IMMP2L: variants seen among roughly 807,000 people sequenced by gnomAD.
IMMP2L encodes the protein inner mitochondrial membrane peptidase subunit 2.
In IMMP2L, 18 loss-of-function variants were observed where a neutral mutation model predicts 19.3. The ratio of observed to expected loss-of-function variants is 0.93; its 90% confidence interval spans 0.64 to 1.38. The LOEUF (loss-of-function observed/expected upper bound fraction) is 1.38, where lower values mean the gene tolerates loss of function less well. Among genes scored for constraint, IMMP2L ranks in the 40% most tolerant of loss-of-function variants. The pLI is 0.00. For synonymous variants in IMMP2L, 76 were observed against 73.0 expected (o/e 1.04, Z -0.21); for missense variants, 233 against 218.2 (o/e 1.07, Z -0.43).
chr7:110,890,586 T>G (rs1270723593), intron 4 of IMMP2L, among the ~76,000 whole-genome samples: 1 of 152,162 alleles, frequency 6.6e-6, no homozygotes, highest in Admixed American at 6.5e-5. Flanking sequence ...TTAAATAGCT[T>G]TGTGCTCCTG....
intron 1 of IMMP2L, among the ~76,000 whole-genome samples, chr7:111,525,187 C>A (rs1028809157): frequency 1.3e-5 from 2 of 152,114 alleles, no homozygotes; most frequent in Non-Finnish European, 2.9e-5. Context: ...ATGAGGAGAA[C>A]TTCTCTAGAT....
intron 3 of IMMP2L, among the ~76,000 whole-genome samples, chr7:111,258,564 T>C (rs568627822): frequency 7.9e-5 from 12 of 152,114 alleles, no homozygotes; most frequent in Non-Finnish European, 1.5e-4. Flanking sequence ...TGGAATGCAA[T>C]GGCATGATTG....
At chr7:110,685,082 T>C (rs4730448) in intron 5 of IMMP2L, among the ~76,000 whole-genome samples, 149,128 of 152,088 alleles carry the variant, frequency 0.98, 73,173 homozygotes, top group Middle Eastern at 1. Flanking sequence ...ATGTCTCAAC[T>C]CAAACTAATC....
chr7:110,719,879 T>A (rs1584604926), intron 5 of IMMP2L, among the ~76,000 whole-genome samples: 1 of 152,338 alleles, frequency 6.6e-6, no homozygotes. Context: ...CCACTATTTA[T>A]AACATTTCTG....
At chr7:110,991,535 T>C (rs542211153) in intron 3 of IMMP2L, among the ~76,000 whole-genome samples, 40 of 152,254 alleles carry the variant, frequency 2.6e-4, no homozygotes, top group African/African-American at 9.6e-4. Context: ...TTCAGGCCTT[T>C]TCTAAATGGG....
At chr7:111,304,390 A>G (rs1822597051) in intron 3 of IMMP2L, among the ~76,000 whole-genome samples, 1 of 152,080 alleles carries the variant, frequency 6.6e-6, no homozygotes, top group African/African-American at 2.4e-5. Flanking sequence ...AGGGGACAAT[A>G]GTAAAAATCA....
At chr7:111,351,572 T>C (rs1427354466) in intron 3 of IMMP2L, among the ~76,000 whole-genome samples, 2 of 152,122 alleles carry the variant, frequency 1.3e-5, no homozygotes, top group African/African-American at 4.8e-5. Flanking sequence ...CCAACATCAT[T>C]TTATCATCAA....
intron 4 of IMMP2L, among the ~76,000 whole-genome samples, chr7:110,954,028 T>C (rs2129554511): frequency 6.6e-6 from 1 of 152,236 alleles, no homozygotes; most frequent in South Asian, 2.1e-4. Flanking sequence ...GCCTAATCTT[T>C]TCAGTGTGAC....
intron 5 of IMMP2L, among the ~76,000 whole-genome samples, chr7:110,810,882 T>G (rs576982214): frequency 7.4e-4 from 112 of 152,242 alleles, no homozygotes; most frequent in African/African-American, 2.5e-3. Flanking sequence ...ATGGGTGCCA[T>G]GACTTGACAT....
chr7:111,310,395 C>T (rs1013412414), intron 3 of IMMP2L, among the ~76,000 whole-genome samples: 1 of 151,494 alleles, frequency 6.6e-6, no homozygotes, highest in Non-Finnish European at 1.5e-5. Context: ...ATAAGGGAAA[C>T]GTAGGGAGAC....
At position 111,462,491 on chromosome 7, in the gene IMMP2L, T is replaced by C. The variant is rs1451943950; in HGVS notation, c.239+24747A>G. 2.6e-5 allele frequency among the ~76,000 whole-genome samples: 4 copies of C among 152,202 alleles called. No homozygotes were observed. The East Asian group carries it at 7.7e-4, about 29-fold the overall frequency. On this transcript the variant is annotated intron_variant, in intron 3 of 5. Coordinates refer to ENST00000405709, the MANE Select transcript of IMMP2L (RefSeq NM_032549.4). ...TATTAAAACTTGGAAAATATAGAAATAATGGTTTTCCTTTATTAAAAATTT... is the reference window on the plus strand; with the variant it reads ...TATTAAAACTTGGAAAATATAGAAACAATGGTTTTCCTTTATTAAAAATTT...
chr7:111,273,152 C>T lies in IMMP2L; in HGVS notation c.239+214086G>A, dbSNP rs1190367724. ...ATTCACTGGGCATGGTGGCGGGCAT[C>T]TGTAATCCCAGCTACTTGGGAGGCT... On this transcript the variant is annotated intron_variant, in intron 3 of 5. Coordinates refer to ENST00000405709, the MANE Select transcript of IMMP2L (RefSeq NM_032549.4). 2.6e-5 allele frequency among the ~76,000 whole-genome samples: 4 copies of T among 152,000 alleles called. No homozygotes were observed. In the East Asian group the frequency reaches 7.7e-4, roughly 29 times the overall value.
chr7:111,080,242 AAT>A (rs1334169842), intron 3 of IMMP2L, among the ~76,000 whole-genome samples: 1 of 152,154 alleles, frequency 6.6e-6, no homozygotes, highest in African/African-American at 2.4e-5. Context: ...AATTATAATG[AAT>A]ATCTCATGTT....
intron 1 of IMMP2L, among the ~76,000 whole-genome samples, chr7:111,526,226 T>C (rs973177338): frequency 1.3e-5 from 2 of 152,228 alleles, no homozygotes; most frequent in Non-Finnish European, 2.9e-5. Flanking sequence ...TACAGTATAG[T>C]ACCATTCAAA....
intron 3 of IMMP2L, among the ~76,000 whole-genome samples, chr7:111,326,544 C>G (rs1825336297): frequency 6.6e-6 from 1 of 151,762 alleles, no homozygotes; most frequent in African/African-American, 2.4e-5. Context: ...TTCTCATAAA[C>G]ATTTCTCCAA....
chr7:111,534,960 T>C (rs183521487), intron 1 of IMMP2L, among the ~76,000 whole-genome samples: 2 of 152,240 alleles, frequency 1.3e-5, no homozygotes, highest in Admixed American at 1.3e-4. Context: ...GTAGATGACT[T>C]TAAGGACCTA....
intron 3 of IMMP2L, among the ~76,000 whole-genome samples, chr7:111,076,680 A>C (rs1438243710): frequency 6.6e-6 from 1 of 152,144 alleles, no homozygotes; most frequent in Non-Finnish European, 1.5e-5. Flanking sequence ...TCCACATAAT[A>C]GTGTGGTCAA....
chr7:111,089,977 T>A (rs1464826853), intron 3 of IMMP2L, among the ~76,000 whole-genome samples: 1 of 151,578 alleles, frequency 6.6e-6, no homozygotes, highest in Non-Finnish European at 1.5e-5. Context: ...CCTAAGTAAA[T>A]CTAATAAGTG....
At position 110,788,651 on chromosome 7, in the gene IMMP2L, G is replaced by A. The variant is rs940801720; in HGVS notation, c.408+97942C>T. On this transcript the variant is annotated intron_variant, in intron 5 of 5. Transcript: ENST00000405709. ...GTTTATTTGACATCTCCACTTAGTCGTCTTATAGATATCACAAATACAACA... is the reference window on the plus strand; with the variant it reads ...GTTTATTTGACATCTCCACTTAGTCATCTTATAGATATCACAAATACAACA... 4.6e-5 allele frequency among the ~76,000 whole-genome samples: 7 copies of A among 151,522 alleles called. 1 individual carries two copies. The highest frequency in any genetic ancestry group is 1.5e-4 in the African/African-American group (6 of 41,022).
Sources: allele counts gnomAD v4.1 joint callset (sites outside exome capture counted in the v4.1 genomes callset), GRCh38; gene constraint gnomAD v4.1.1; transcripts MANE v1.5; gene names NCBI Gene and HGNC (gene_info 2026-07-23, HGNC 2026-07-21).